MEI4: variants seen among roughly 807,000 people sequenced by gnomAD.
MEI4 encodes meiotic double-stranded break formation protein 4, also known as meiosis-specific protein MEI4.
MEI4 carries 27 observed loss-of-function variants against 31.4 expected under a neutral mutation model. The observed-to-expected ratio is 0.86, with a 90% CI of 0.63 to 1.19. The LOEUF (loss-of-function observed/expected upper bound fraction) is 1.19, where lower values mean the gene tolerates loss of function less well. MEI4 is among the 50% of genes most tolerant of loss of function. The pLI is 0.00. For missense variants in MEI4, 329 were observed against 398.9 expected, an observed-to-expected ratio of 0.82 and a Z score of 1.49; for synonymous variants, 122 against 145.4, an observed-to-expected ratio of 0.84 and a Z score of 1.16.
intron 3 of MEI4, among the ~76,000 whole-genome samples, chr6:77,790,068 T>C (rs1167479449): frequency 2.0e-5 from 3 of 151,784 alleles, no homozygotes; most frequent in East Asian, 1.9e-4. Flanking sequence ...TGGAATACTA[T>C]GCAGCCATAA....
chr6:77,796,024 T>A (rs1465808383), intron 3 of MEI4, among the ~76,000 whole-genome samples: 2 of 152,158 alleles, frequency 1.3e-5, no homozygotes, highest in Non-Finnish European at 2.9e-5. Flanking sequence ...GCAAACCAAT[T>A]TCAGCAGCAC....
chr6:77,863,823 C>A (rs1256454601), intron 4 of MEI4, among the ~76,000 whole-genome samples: 2 of 152,092 alleles, frequency 1.3e-5, no homozygotes, highest in Non-Finnish European at 2.9e-5. Flanking sequence ...TTAAGGGCAG[C>A]CAGAGAGAAA....
intron 3 of MEI4, among the ~76,000 whole-genome samples, chr6:77,795,915 C>T (rs1488206335): frequency 2.6e-5 from 4 of 152,066 alleles, no homozygotes; most frequent in African/African-American, 4.8e-5. Flanking sequence ...ATGAGGACAG[C>T]GTTACTCTGA....
chr6:77,825,864 A>C (rs1769934057), intron 3 of MEI4, among the ~76,000 whole-genome samples: 1 of 152,200 alleles, frequency 6.6e-6, no homozygotes, highest in Admixed American at 6.5e-5. Context: ...AAAACATTAT[A>C]GTAGGGTTAA....
intron 3 of MEI4, among the ~76,000 whole-genome samples, chr6:77,799,263 C>T (rs552667038): frequency 6.6e-6 from 1 of 152,104 alleles, no homozygotes; most frequent in African/African-American, 2.4e-5. Flanking sequence ...GCATTTTTTC[C>T]TGTGTTTTTT....
chr6:77,887,546 C>A (rs998989621), intron 4 of MEI4, among the ~76,000 whole-genome samples: 2 of 152,146 alleles, frequency 1.3e-5, no homozygotes, highest in Admixed American at 1.3e-4. Context: ...ATCCACCCCC[C>A]TCAGCCTCCC....
chr6:77,771,346 T>C (rs1273166100), intron 3 of MEI4, among the ~76,000 whole-genome samples: 1 of 152,118 alleles, frequency 6.6e-6, no homozygotes, highest in East Asian at 1.9e-4. Context: ...GGGGGGAGTG[T>C]AAATTAATTC....
intron 4 of MEI4, among the ~76,000 whole-genome samples, chr6:77,880,708 T>C (rs943121378): frequency 1.3e-5 from 2 of 152,118 alleles, no homozygotes; most frequent in Non-Finnish European, 2.9e-5. Flanking sequence ...CCCATCCTCC[T>C]GCTGCACACT....
chr6:77,883,744 A>ATCT (rs1491236242), intron 4 of MEI4, among the ~76,000 whole-genome samples: 3 of 124,982 alleles, frequency 2.4e-5, no homozygotes, highest in African/African-American at 1.0e-4. Flanking sequence ...ATATATATAT[A>ATCT]ACTTTGTCTT....
intron 4 of MEI4, among the ~76,000 whole-genome samples, chr6:77,916,878 C>T (rs1306468326): frequency 2.0e-5 from 3 of 151,666 alleles, no homozygotes; most frequent in Non-Finnish European, 4.4e-5. Flanking sequence ...ACTAACTCGT[C>T]ATCTAGCATT....
At chr6:77,834,251 T>C (rs1227284107) in intron 4 of MEI4, among the ~76,000 whole-genome samples, 1 of 151,950 alleles carries the variant, frequency 6.6e-6, no homozygotes, top group Non-Finnish European at 1.5e-5. Flanking sequence ...TTTATGAAGA[T>C]ATTTTAGTTG....
Position 77,676,961 on chromosome 6 carries a change from T to C in MEI4, c.-14-13697T>C, listed in dbSNP as rs9448129. Among the ~76,000 whole-genome samples, 1,224 of 152,264 alleles carry C rather than the reference T, an allele frequency of 8.0e-3. 14 individuals are homozygous for C. Among genetic ancestry groups the C allele is most frequent in the African/African-American group, 0.027 (1,109 of 41,534 alleles). Reference sequence around the variant, plus strand: ...ATTTCTGTCATTGAGTTGTCACACATTACACAGAATGGTTATTAGAATGAT... The same window carrying C: ...ATTTCTGTCATTGAGTTGTCACACACTACACAGAATGGTTATTAGAATGAT... On this transcript the variant is annotated intron_variant, in intron 1 of 4. Coordinates refer to ENST00000684080, the MANE Select transcript of MEI4 (RefSeq NM_001322247.2).
At chr6:77,917,677 A>G (rs1324518398) in intron 4 of MEI4, among the ~76,000 whole-genome samples, 10 of 121,886 alleles carry the variant, frequency 8.2e-5, no homozygotes, top group Non-Finnish European at 1.0e-4. Flanking sequence ...GCCCTTTGTC[A>G]GATGAGTAGG....
chr6:77,698,977 T>C (rs1766131965), intron 2 of MEI4, among the ~76,000 whole-genome samples: 1 of 152,140 alleles, frequency 6.6e-6, no homozygotes, highest in Non-Finnish European at 1.5e-5. Context: ...CTTTTTATTC[T>C]TTTTTCTCTA....
intron 2 of MEI4, among the ~76,000 whole-genome samples, chr6:77,743,098 A>G (rs890519416): frequency 3.9e-5 from 6 of 152,104 alleles, no homozygotes; most frequent in African/African-American, 1.4e-4. Flanking sequence ...TGACTTGGCG[A>G]TGCGGGCTCT....
chr6:77,743,617 G>T (rs1340285177), intron 2 of MEI4, among the ~76,000 whole-genome samples: 1 of 152,146 alleles, frequency 6.6e-6, no homozygotes, highest in Non-Finnish European at 1.5e-5. Context: ...GATAGCAGTG[G>T]TTCTCCCAGC....
chr6:77,903,035 A>G (rs1766218529), intron 4 of MEI4, among the ~76,000 whole-genome samples: 4 of 152,062 alleles, frequency 2.6e-5, no homozygotes. Flanking sequence ...ATTTATTCCG[A>G]CATTTTTCGA....
At chr6:77,710,720 G>A (rs1412820184) in intron 2 of MEI4, among the ~76,000 whole-genome samples, 1 of 152,076 alleles carries the variant, frequency 6.6e-6, no homozygotes, top group African/African-American at 2.4e-5. Flanking sequence ...ATCATTTGGG[G>A]AGCTGTTAAA....
At chr6:77,897,647 A>G (rs1477925143) in intron 4 of MEI4, among the ~76,000 whole-genome samples, 1 of 152,038 alleles carries the variant, frequency 6.6e-6, no homozygotes, top group Non-Finnish European at 1.5e-5. Flanking sequence ...CATCAAAGTT[A>G]TCACACATAT....
Sources: gnomAD v4.1 joint callset for allele counts (sites outside exome capture counted in the v4.1 genomes callset) on GRCh38, gnomAD v4.1.1 for gene constraint, MANE v1.5 for transcripts, NCBI Gene and HGNC (gene_info 2026-07-23, HGNC 2026-07-21) for gene names.